Variants in MAP2K5 observed in about 807,000 individuals in gnomAD.
The protein encoded by MAP2K5 is dual specificity mitogen-activated protein kinase kinase 5.
Under a neutral mutation model 83.1 loss-of-function variants are expected in MAP2K5, and 49 were observed. The observed-to-expected ratio is 0.59, with a 90% CI of 0.47 to 0.75. MAP2K5 has a LOEUF of 0.75. Ranked by LOEUF, MAP2K5 falls within the 30% of genes least tolerant of loss-of-function variation. The probability of loss-of-function intolerance (pLI) is 0.00; values close to 1 mark genes in which losing one functional copy is unlikely to be tolerated. For synonymous variants in MAP2K5, 202 were observed against 191.8 expected, an observed-to-expected ratio of 1.05 and a Z score of -0.44; for missense variants, 457 against 557.5, an observed-to-expected ratio of 0.82 and a Z score of 1.82.
In MAP2K5 at chr15:67,750,742, A is replaced by G. The variant is rs1292193350; in HGVS notation, c.1134+2141A>G. Among the ~76,000 whole-genome samples the G allele has an allele frequency of 6.6e-6, 1 of 152,174 alleles. No homozygotes were observed. The highest frequency in any genetic ancestry group is 1.5e-5 in the Non-Finnish European group (1 of 68,028). On this transcript the variant is annotated intron_variant, in intron 19 of 21. Transcript: ENST00000178640. The surrounding 1 kb of genome is among the most constrained non-coding windows in gnomAD (Gnocchi z 4.2). ...CCCCTTTAGTTCCCACAGGGCAATTAGCTAGCTATCTTCATTTGCATCTGA... is the reference window on the plus strand; with the variant it reads ...CCCCTTTAGTTCCCACAGGGCAATTGGCTAGCTATCTTCATTTGCATCTGA...
At chr15:67,592,673 A>C (rs1304521290) in intron 6 of MAP2K5, among the ~76,000 whole-genome samples, 1 of 152,260 alleles carries the variant, frequency 6.6e-6, no homozygotes. Flanking sequence ...GAAGTAGTTC[A>C]TAAGATATTG....
At chr15:67,681,659 T>C (rs2141185169) in intron 13 of MAP2K5, among the ~76,000 whole-genome samples, 1 of 152,334 alleles carries the variant, frequency 6.6e-6, no homozygotes, top group East Asian at 1.9e-4. Flanking sequence ...AGGAAACACC[T>C]AAACTTGATA....
chr15:67,646,105 T>C (rs965579624), intron 9 of MAP2K5, 126 bp from the exon 10 acceptor site: 12 of 519,134 alleles, frequency 2.3e-5, no homozygotes, highest in Middle Eastern at 1.1e-3. Flanking sequence ...CTGGGAATTA[T>C]AGTGGTAAGA....
chr15:67,602,671 G>C (rs905185402), intron 8 of MAP2K5, among the ~76,000 whole-genome samples: 1 of 152,142 alleles, frequency 6.6e-6, no homozygotes. Context: ...TGGTTGGTTT[G>C]TTTATTTTGA....
At position 67,722,349 on chromosome 15, in the gene MAP2K5, C is replaced by G. The variant is rs1220976078; in HGVS notation, c.1045-5567C>G. ...GGCAGAAGATTAAATTAATTTGTAA[C>G]TCTTTTTTTTTTTTTTTGGTCCTGC... On this transcript the variant is annotated intron_variant, in intron 16 of 21. Transcript: ENST00000178640. This position sits in a 1 kb window ranked among gnomAD's most constrained non-coding sequence, Gnocchi z 4.2. Among the ~76,000 whole-genome samples the G allele has an allele frequency of 6.8e-6, 1 of 146,176 alleles. No individual in the cohort carries two copies. The highest frequency in any genetic ancestry group is 1.5e-5 in the Non-Finnish European group (1 of 67,326).
rs2084325427 is a variant in MAP2K5 at position 67,543,073 on chromosome 15, C to T, written c.-263C>T. 11 of 528,692 alleles carry T rather than the reference C, an allele frequency of 2.1e-5. 1 individual carries two copies. In the South Asian group the frequency reaches 2.4e-4, roughly 12 times the overall value. 32.8% of individuals were successfully genotyped at this position (528,692 alleles called of 1,614,324 possible). A position where few individuals can be genotyped will look rare whatever the true frequency, so the allele number is the denominator to read the frequency against. On this transcript the variant is annotated 5_prime_UTR_variant, in exon 1 of 22. Coordinates refer to ENST00000178640, the MANE Select transcript of MAP2K5 (RefSeq NM_145160.3). The surrounding 1 kb of genome is among the most constrained non-coding windows in gnomAD (Gnocchi z 4.3). ...CTCAACTCCAGAACCTTCCGACCTCCGCTAGTTCCTGCGGGCCTTTGCCCG... is the reference window on the plus strand; with the variant it reads ...CTCAACTCCAGAACCTTCCGACCTCTGCTAGTTCCTGCGGGCCTTTGCCCG...
Position 67,559,739 on chromosome 15 carries a change from G to C in MAP2K5, c.185-3544G>C, listed in dbSNP as rs2084697563. Among the ~76,000 whole-genome samples the C allele has an allele frequency of 6.6e-6, 1 of 152,046 alleles. No homozygotes were observed. Among genetic ancestry groups the C allele is most frequent in the Non-Finnish European group, 1.5e-5 (1 of 68,006 alleles). The stretch of plus-strand genomic sequence containing the variant: ...TGGAAAATCATATTACTATGCTCCA[G>C]GCAACTAGAGAAGCCTGGAATTCTC... On this transcript the variant is annotated intron_variant, in intron 2 of 21. Transcript: ENST00000178640. The surrounding 1 kb of genome is among the most constrained non-coding windows in gnomAD (Gnocchi z 4.7).
At chr15:67,601,370 C>T (rs1276111996) in intron 8 of MAP2K5, among the ~76,000 whole-genome samples, 1 of 152,192 alleles carries the variant, frequency 6.6e-6, no homozygotes, top group Non-Finnish European at 1.5e-5. Context: ...GGGAGGTCTT[C>T]TCATGCAGTA....
At chr15:67,705,358 G>A (rs2088524271) in intron 16 of MAP2K5, among the ~76,000 whole-genome samples, 1 of 152,146 alleles carries the variant, frequency 6.6e-6, no homozygotes, top group Admixed American at 6.5e-5. Context: ...GGCAAGGGCT[G>A]GGGCATGAGG....
At position 67,644,682 on chromosome 15, in the gene MAP2K5, G is replaced by A. The variant is rs2086791715; in HGVS notation, c.586-1549G>A. 6.6e-6 allele frequency among the ~76,000 whole-genome samples: 1 copy of A among 152,000 alleles called. No homozygotes were observed. Among genetic ancestry groups the A allele is most frequent in the Admixed American group, 6.5e-5 (1 of 15,276 alleles). On this transcript the variant is annotated intron_variant, in intron 9 of 21. Coordinates refer to ENST00000178640, the MANE Select transcript of MAP2K5 (RefSeq NM_145160.3). This position sits in a 1 kb window ranked among gnomAD's most constrained non-coding sequence, Gnocchi z 4.6. ...CATTCCCAGGCTCTGTGGCTCCCAG[G>A]AGGGAAACGTGGTTTCCTCCTCACT...
rs1382564388 is a variant in MAP2K5 at position 67,790,804 on chromosome 15, C to A, written c.1243-15842C>A. On this transcript the variant is annotated intron_variant, in intron 21 of 21. Coordinates refer to ENST00000178640, the MANE Select transcript of MAP2K5 (RefSeq NM_145160.3). This position sits in a 1 kb window ranked among gnomAD's most constrained non-coding sequence, Gnocchi z 4.6. The stretch of plus-strand genomic sequence containing the variant: ...CATGTGTTAGGTGTTATAAAAGTTT[C>A]CTTAGAAAAGGAGTATGATAAGTAC... 6.6e-6 allele frequency among the ~76,000 whole-genome samples: 1 copy of A among 152,094 alleles called. No homozygotes were observed. The highest frequency in any genetic ancestry group is 1.9e-4 in the East Asian group (1 of 5,198).
chr15:67,767,116 C>A (rs1389734438), intron 19 of MAP2K5, among the ~76,000 whole-genome samples: 1 of 152,046 alleles, frequency 6.6e-6, no homozygotes, highest in Non-Finnish European at 1.5e-5. Context: ...ATGGGTACCA[C>A]CCAGTGTTCC....
At chr15:67,718,736 C>T (rs1235175952) in intron 16 of MAP2K5, among the ~76,000 whole-genome samples, 1 of 152,158 alleles carries the variant, frequency 6.6e-6, no homozygotes, top group Non-Finnish European at 1.5e-5. Flanking sequence ...TGCACTCCAG[C>T]TTGGGTGACA....
rs903304080 is a variant in MAP2K5, at chr15:67,793,304, T to C, written c.1243-13342T>C. ...CTCTAAAAAAAAACAAAAAATTCTT[T>C]AGCTCATTATTATGGACATTGTCTA... On this transcript the variant is annotated intron_variant, in intron 21 of 21. Transcript: ENST00000178640. The surrounding 1 kb of genome is among the most constrained non-coding windows in gnomAD (Gnocchi z 4.6). Among the ~76,000 whole-genome samples the C allele has an allele frequency of 2.6e-5, 4 of 152,186 alleles. No homozygotes were observed. Among genetic ancestry groups the C allele is most frequent in the African/African-American group, 9.7e-5 (4 of 41,446 alleles).
chr15:67,739,502 A>T (rs1219570778), intron 17 of MAP2K5, among the ~76,000 whole-genome samples: 3 of 81,208 alleles, frequency 3.7e-5, no homozygotes, highest in African/African-American at 5.0e-5. Context: ...TTTTTTTGAG[A>T]TGGAGTCTCA....
At chr15:67,671,649 T>G (rs2087538374) in intron 13 of MAP2K5, among the ~76,000 whole-genome samples, 2 of 145,220 alleles carry the variant, frequency 1.4e-5, no homozygotes, top group Non-Finnish European at 3.0e-5. Context: ...CAAGAACACG[T>G]TTTTTTTTCT....
intron 8 of MAP2K5, among the ~76,000 whole-genome samples, chr15:67,601,111 T>C (rs2085649092): frequency 1.3e-5 from 2 of 152,184 alleles, no homozygotes; most frequent in South Asian, 2.1e-4. Flanking sequence ...TTTACAGTTA[T>C]GCCCAGTGGA....
rs1174527196 is a variant in MAP2K5 at position 67,782,270 on chromosome 15, T to G, written c.1242+9518T>G. ...AGTAGCTTTAGATGTGAAATGAGTG[T>G]TAAGTATTAGTAATCGGGAGATTAG... On this transcript the variant is annotated intron_variant, in intron 21 of 21. Transcript: ENST00000178640. This position sits in a 1 kb window ranked among gnomAD's most constrained non-coding sequence, Gnocchi z 4.9. 6.6e-6 allele frequency among the ~76,000 whole-genome samples: 1 copy of G among 152,226 alleles called. No homozygotes were observed. The highest frequency in any genetic ancestry group is 2.4e-5 in the African/African-American group (1 of 41,456).
At chr15:67,743,882 C>T (rs1230671122) in intron 17 of MAP2K5, among the ~76,000 whole-genome samples, 1 of 152,188 alleles carries the variant, frequency 6.6e-6, no homozygotes, top group Non-Finnish European at 1.5e-5. Flanking sequence ...CTCTAAGCCC[C>T]ACTGAAGGGA....
Sources: gnomAD v4.1 joint callset for allele counts (sites outside exome capture counted in the v4.1 genomes callset) on GRCh38, gnomAD v4.1.1 for gene constraint, Gnocchi (gnomAD v3.1) non-coding constraint, MANE v1.5 for transcripts, NCBI Gene and HGNC (gene_info 2026-07-23, HGNC 2026-07-21) for gene names.